The following TCF7L2 variants were observed in gnomAD, a reference collection of about 807,000 sequenced individuals.
TCF7L2 encodes the protein transcription factor 7 like 2.
TCF7L2 carries 23 observed loss-of-function variants against 77.9 expected under a neutral mutation model. The ratio of observed to expected loss-of-function variants is 0.30; its 90% CI spans 0.21 to 0.42. The LOEUF is 0.42. TCF7L2 is among the 10% of genes least tolerant of loss of function. The pLI is 1.00. For missense variants in TCF7L2, 654 were observed against 793.1 expected (o/e 0.82, Z 2.11); for synonymous variants, 413 against 340.2 (o/e 1.21, Z -2.36).
In TCF7L2 at chr10:112,966,555, G is replaced by A. The variant is rs868569811; in HGVS notation, c.450+1931G>A. Among the ~76,000 whole-genome samples the A allele has an allele frequency of 6.6e-5, 10 of 152,214 alleles. No individual in the cohort carries two copies. In the South Asian group the frequency reaches 2.1e-3, roughly 32 times the overall value. On this transcript the variant is annotated intron_variant, in intron 4 of 13. Coordinates refer to ENST00000627217, the MANE Select transcript of TCF7L2 (RefSeq NM_001146274.2). The stretch of plus-strand genomic sequence containing the variant: ...GTCGAGGCCTCCTACATCTCGGGTA[G>A]TGCTGGAAAATCTTATTGCCTGGGG...
intron 3 of TCF7L2, among the ~76,000 whole-genome samples, chr10:112,958,517 C>T (rs954846641): frequency 6.6e-6 from 1 of 151,928 alleles, no homozygotes; most frequent in Admixed American, 6.6e-5. Flanking sequence ...GAGCTAAGAC[C>T]TCTCCCATCC....
intron 3 of TCF7L2, among the ~76,000 whole-genome samples, chr10:112,960,491 A>G (rs756459273): frequency 2.0e-5 from 3 of 152,128 alleles, no homozygotes; most frequent in Admixed American, 6.5e-5. Context: ...ATGGGAAGCA[A>G]TGAAATGGAA....
At chr10:113,153,446 C>T (rs944714670) in intron 11 of TCF7L2, among the ~76,000 whole-genome samples, 1 of 152,228 alleles carries the variant, frequency 6.6e-6, no homozygotes, top group African/African-American at 2.4e-5. Context: ...TGTCTTGGAG[C>T]CATGGATGGT....
chr10:113,051,950 G>T (rs2054544745), intron 5 of TCF7L2, among the ~76,000 whole-genome samples: 1 of 152,090 alleles, frequency 6.6e-6, no homozygotes, highest in African/African-American at 2.4e-5. Flanking sequence ...TAAATAAGGA[G>T]GTGTCGCTTT....
chr10:113,085,194 G>A (rs555071715), intron 5 of TCF7L2, among the ~76,000 whole-genome samples: 1 of 151,144 alleles, frequency 6.6e-6, no homozygotes, highest in Non-Finnish European at 1.5e-5. Flanking sequence ...GGCCTTCTGA[G>A]TAGCTACAGG....
At chr10:113,094,004 G>A (rs77512252) in intron 5 of TCF7L2, among the ~76,000 whole-genome samples, 1,547 of 152,324 alleles carry the variant, frequency 0.01, 17 homozygotes, top group Non-Finnish European at 0.017. Context: ...GCGAGATGGT[G>A]CACTCTGTCC....
At chr10:112,953,328 T>G (rs1455185419) in intron 3 of TCF7L2, among the ~76,000 whole-genome samples, 1 of 152,092 alleles carries the variant, frequency 6.6e-6, no homozygotes, top group African/African-American at 2.4e-5. Context: ...CAGGGCCAGT[T>G]CCACCAGGCT....
At chr10:112,991,918 G>C (rs1280668109) in intron 4 of TCF7L2, among the ~76,000 whole-genome samples, 1 of 152,190 alleles carries the variant, frequency 6.6e-6, no homozygotes, top group Non-Finnish European at 1.5e-5. Flanking sequence ...GGCTGTTGGG[G>C]CCGGGGAGGG....
chr10:113,028,524 C>T (rs1414337328), intron 4 of TCF7L2, among the ~76,000 whole-genome samples: 1 of 152,178 alleles, frequency 6.6e-6, no homozygotes, highest in Non-Finnish European at 1.5e-5. Flanking sequence ...GAGCCACTGA[C>T]CTCTTTCCAA....
At chr10:113,055,408 G>A (rs2055214459) in intron 5 of TCF7L2, among the ~76,000 whole-genome samples, 2 of 152,106 alleles carry the variant, frequency 1.3e-5, no homozygotes, top group South Asian at 2.1e-4. Context: ...CTCCTCTGTG[G>A]CTTGCCTGGT....
chr10:113,166,054 G>T lies in TCF7L2; in HGVS notation c.*82G>T, dbSNP rs2074027268. On this transcript the variant is annotated 3_prime_UTR_variant, in exon 14 of 14. Coordinates refer to ENST00000627217, the MANE Select transcript of TCF7L2 (RefSeq NM_001146274.2). ...TTGCCCCCCACCCCCACCTTGAAAG[G>T]TTTTGTTTTGTACTCTCTTAATTTT... 7.4e-7 allele frequency: 1 copy of T among 1,345,542 alleles called. No homozygotes were observed. The highest frequency in any genetic ancestry group is 2.5e-5 in the East Asian group (1 of 39,580). The allele number at this position is 1,345,542 out of a possible 1,614,324, so 83.4% of individuals were successfully genotyped here.
intron 5 of TCF7L2, among the ~76,000 whole-genome samples, chr10:113,097,655 A>AAAAAACAAAAAAAAAAAAAC (rs1564890117): frequency 1.4e-4 from 20 of 139,380 alleles, no homozygotes; most frequent in African/African-American, 4.5e-4. Flanking sequence ...GGAAAAAAAA[A>AAAAAACAAAAAAAAAAAAAC]AAAAAAAAAA....
intron 5 of TCF7L2, among the ~76,000 whole-genome samples, chr10:113,063,302 CT>C: frequency 6.6e-6 from 1 of 152,304 alleles, no homozygotes; most frequent in Middle Eastern, 3.4e-3. Context: ...CTTATATTTA[CT>C]GATAAACTTC....
intron 4 of TCF7L2, among the ~76,000 whole-genome samples, chr10:113,017,090 T>C (rs2047468593): frequency 6.6e-6 from 1 of 152,164 alleles, no homozygotes; most frequent in Admixed American, 6.5e-5. Context: ...CTGTCTCCTA[T>C]AAACATGGAA....
chr10:113,125,257 T>A (rs2065398586), intron 5 of TCF7L2, among the ~76,000 whole-genome samples: 1 of 150,792 alleles, frequency 6.6e-6, no homozygotes. Context: ...AAAAAAAAAG[T>A]CGTCTTTTTC....
chr10:112,969,009 C>T (rs1589805989), intron 4 of TCF7L2, among the ~76,000 whole-genome samples: 1 of 152,018 alleles, frequency 6.6e-6, no homozygotes, highest in Non-Finnish European at 1.5e-5. Context: ...ATATATATTC[C>T]TTGTTGTGTC....
chr10:112,962,787 C>T lies in TCF7L2; in HGVS notation c.382-1769C>T, dbSNP rs1056482096. ...CTAATTTTTGTATTCTTGGTAGAGA[C>T]GGGGTTTCACCATGTTGGCCAGGGT... is the stretch of plus-strand genomic sequence containing the variant. On this transcript the variant is annotated intron_variant, in intron 3 of 13. Coordinates refer to ENST00000627217, the MANE Select transcript of TCF7L2 (RefSeq NM_001146274.2). 3.3e-5 allele frequency among the ~76,000 whole-genome samples: 5 copies of T among 152,050 alleles called. No homozygotes were observed. The East Asian group carries it at 5.8e-4, about 18-fold the overall frequency.
intron 3 of TCF7L2, 25 bp downstream of exon 3, chr10:112,951,632 C>CCCCCCCA: frequency 8.8e-7 from 1 of 1,130,382 alleles, no homozygotes; most frequent in Non-Finnish European, 1.1e-6. Context: ...GCCCGGCCCC[C>CCCCCCCA]GCCCGCTGCC....
chr10:112,977,869 G>A (rs1180436511), intron 4 of TCF7L2, among the ~76,000 whole-genome samples: 1 of 152,190 alleles, frequency 6.6e-6, no homozygotes, highest in African/African-American at 2.4e-5. Flanking sequence ...TGTACTGCCT[G>A]CTGTCGGGGA....
Sources: allele counts gnomAD v4.1 joint callset (sites outside exome capture counted in the v4.1 genomes callset), GRCh38; gene constraint gnomAD v4.1.1; transcripts MANE v1.5; gene names NCBI Gene and HGNC (gene_info 2026-07-23, HGNC 2026-07-21).